Variants in SUMF1 observed in about 807,000 individuals in gnomAD.
The protein encoded by SUMF1 is formylglycine-generating enzyme.
SUMF1 carries 48 observed loss-of-function variants against 47.6 expected under a neutral mutation model. The observed-to-expected ratio is 1.01, with a 90% CI of 0.80 to 1.28. The LOEUF (loss-of-function observed/expected upper bound fraction) is 1.28, where lower values mean the gene tolerates loss of function less well. Among genes scored for constraint, SUMF1 ranks in the 50% most tolerant of loss-of-function variants. SUMF1 has a pLI of 0.00. For missense variants in SUMF1, 571 were observed against 485.4 expected (o/e 1.18, Z -1.66); for synonymous variants, 230 against 192.1 (o/e 1.20, Z -1.63).
At chr3:4,209,462 T>A (rs1053037107) in intron 8 of SUMF1, among the ~76,000 whole-genome samples, 1 of 152,170 alleles carries the variant, frequency 6.6e-6, no homozygotes, top group Admixed American at 6.5e-5. Flanking sequence ...TGAGAATACT[T>A]CTAAGATCCT....
At chr3:4,381,849 G>C (rs895197630) in intron 7 of SUMF1, among the ~76,000 whole-genome samples, 1 of 152,088 alleles carries the variant, frequency 6.6e-6, no homozygotes, top group Non-Finnish European at 1.5e-5. Context: ...GTTCAAGACC[G>C]GCCTTGGGCA....
At position 4,178,569 on chromosome 3, in the gene SUMF1, C is replaced by G. The variant is rs147873101; in HGVS notation, c.1015-109824G>C. On this transcript the variant is annotated intron_variant and NMD_transcript_variant, in intron 8 of 12. Coordinates refer to the SUMF1 transcript ENST00000448413. ...AACAATAAGAGCTATTTATGACAAA[C>G]CCACAGCCAATATCATACTGAATGG... Among the ~76,000 whole-genome samples the G allele has an allele frequency of 3.4e-3, 523 of 152,256 alleles. 4 individuals are homozygous for G. Among genetic ancestry groups the G allele is most frequent in the African/African-American group, 0.012 (489 of 41,550 alleles).
intron 8 of SUMF1, among the ~76,000 whole-genome samples, chr3:4,123,505 T>C (rs795303): frequency 0.99 from 150,593 of 152,280 alleles, 74,491 homozygotes; most frequent in East Asian, 1. Flanking sequence ...CCTAAAACAT[T>C]GTTTCTTCTA....
At chr3:4,268,850 A>G (rs1393723946) in intron 8 of SUMF1, among the ~76,000 whole-genome samples, 1 of 152,024 alleles carries the variant, frequency 6.6e-6, no homozygotes, top group Non-Finnish European at 1.5e-5. Flanking sequence ...GAAAAAAAAT[A>G]CCTTTAAAAA....
Position 4,056,810 on chromosome 3 carries a change from C to T in SUMF1, c.1191+11759G>A, listed in dbSNP as rs557144965. ...AGGCTAGAGTGCAGTGGTGCAATCT[C>T]GGCTCACTGCAAGCTCTACCTCCCA... On this transcript the variant is annotated intron_variant and NMD_transcript_variant, in intron 9 of 12. Coordinates refer to the SUMF1 transcript ENST00000448413. 2.6e-4 allele frequency among the ~76,000 whole-genome samples: 39 copies of T among 152,120 alleles called. 1 individual carries two copies. The South Asian group carries it at 5.6e-3, about 22-fold the overall frequency.
chr3:4,159,133 C>A (rs1694517787), intron 8 of SUMF1, among the ~76,000 whole-genome samples: 1 of 151,284 alleles, frequency 6.6e-6, no homozygotes, highest in Non-Finnish European at 1.5e-5. Flanking sequence ...TGTGTACTTA[C>A]TATTACCAGT....
At chr3:4,299,797 G>A (rs530918649) in intron 8 of SUMF1, among the ~76,000 whole-genome samples, 1 of 152,266 alleles carries the variant, frequency 6.6e-6, no homozygotes, top group East Asian at 1.9e-4. Flanking sequence ...GTGACAGAGT[G>A]AGACTCCACC....
chr3:4,320,944 C>T (rs1402813369), intron 8 of SUMF1, among the ~76,000 whole-genome samples: 1 of 152,140 alleles, frequency 6.6e-6, no homozygotes, highest in African/African-American at 2.4e-5. Context: ...ATTCTAAGTG[C>T]TCAGCATGTT....
Position 4,417,809 on chromosome 3 carries a change from G to A in SUMF1, c.725+201C>T, listed in dbSNP as rs575116869. ...TTTGGGGCTGGAGGGAGCCCACTTG[G>A]CCAGACACTTGGTTTAGGGGTGATA... On this transcript the variant is annotated intron_variant, in intron 5 of 8. Coordinates refer to ENST00000272902, the MANE Select transcript of SUMF1 (RefSeq NM_182760.4). 9.2e-5 allele frequency among the ~76,000 whole-genome samples: 14 copies of A among 152,350 alleles called. No individual in the cohort carries two copies. In the East Asian group the frequency reaches 2.7e-3, roughly 29 times the overall value.
chr3:4,319,681 G>A (rs1205244311), intron 8 of SUMF1, among the ~76,000 whole-genome samples: 1 of 152,148 alleles, frequency 6.6e-6, no homozygotes, highest in East Asian at 1.9e-4. Context: ...TTACTGATTT[G>A]AAAACTTGTC....
chr3:4,353,614 C>T (rs764120132), intron 8 of SUMF1, among the ~76,000 whole-genome samples: 13 of 152,172 alleles, frequency 8.5e-5, no homozygotes, highest in African/African-American at 3.1e-4. Context: ...ACATATCATA[C>T]AGTCTCTAGA....
intron 9 of SUMF1, among the ~76,000 whole-genome samples, chr3:4,049,258 G>A (rs1478674905): frequency 2.0e-5 from 3 of 152,168 alleles, no homozygotes; most frequent in African/African-American, 7.2e-5. Context: ...GAAGGAAAAT[G>A]GGGCAAAGGC....
chr3:4,131,007 G>A (rs1037565452), intron 8 of SUMF1, among the ~76,000 whole-genome samples: 19 of 152,224 alleles, frequency 1.2e-4, no homozygotes, highest in Admixed American at 6.5e-4. Flanking sequence ...GAGCCCTGTA[G>A]GATTTTGGAG....
At chr3:4,181,561 C>T (rs1039809208) in intron 8 of SUMF1, among the ~76,000 whole-genome samples, 1 of 152,170 alleles carries the variant, frequency 6.6e-6, no homozygotes, top group Non-Finnish European at 1.5e-5. Context: ...AGTCACACAA[C>T]TTCTCTGTAT....
At chr3:4,313,268 C>T in intron 8 of SUMF1, 2 of 1,613,950 alleles carry the variant, frequency 1.2e-6, no homozygotes, top group Non-Finnish European at 1.7e-6. Flanking sequence ...TTAGGATTCT[C>T]TGAAGTTCAG....
chr3:4,304,913 A>G (rs1482559622), intron 8 of SUMF1, among the ~76,000 whole-genome samples: 3 of 151,982 alleles, frequency 2.0e-5, no homozygotes, highest in Non-Finnish European at 4.4e-5. Context: ...GGAGACGTCA[A>G]TCAAATACAT....
intron 9 of SUMF1, among the ~76,000 whole-genome samples, chr3:4,045,240 G>A (rs1342780308): frequency 6.6e-6 from 1 of 152,074 alleles, no homozygotes; most frequent in Non-Finnish European, 1.5e-5. Context: ...CCCTGAGGAA[G>A]AAGTTCTGCC....
intron 8 of SUMF1, among the ~76,000 whole-genome samples, chr3:4,119,252 C>T (rs1263435103): frequency 6.6e-6 from 1 of 152,158 alleles, no homozygotes; most frequent in Non-Finnish European, 1.5e-5. Context: ...ATGCTATTCT[C>T]TTCCTATCCA....
chr3:4,089,423 G>C (rs1185093908), intron 8 of SUMF1, among the ~76,000 whole-genome samples: 1 of 152,032 alleles, frequency 6.6e-6, no homozygotes, highest in Non-Finnish European at 1.5e-5. Flanking sequence ...CTCTATTAGA[G>C]AAATGTGTAA....
Sources: allele counts gnomAD v4.1 joint callset (sites outside exome capture counted in the v4.1 genomes callset), GRCh38; gene constraint gnomAD v4.1.1; transcripts MANE v1.5; gene names NCBI Gene and HGNC (gene_info 2026-07-23, HGNC 2026-07-21).